Variants in SUMF1 observed in about 807,000 individuals in gnomAD.
SUMF1 encodes formylglycine-generating enzyme.
Under a neutral mutation model 47.6 loss-of-function variants are expected in SUMF1, and 48 were observed. That is an observed-to-expected ratio of 1.01 (90% confidence interval 0.80 to 1.28). SUMF1 has a LOEUF of 1.28. SUMF1 is among the 50% of genes most tolerant of loss of function. SUMF1 has a pLI of 0.00. For synonymous variants in SUMF1, 230 were observed against 192.1 expected (o/e 1.20, Z -1.63); for missense variants, 571 against 485.4 (o/e 1.18, Z -1.66).
chr3:4,138,518 G>A (rs570174334), intron 8 of SUMF1, among the ~76,000 whole-genome samples: 1 of 152,028 alleles, frequency 6.6e-6, no homozygotes, highest in Non-Finnish European at 1.5e-5. Context: ...CTAAAAATCA[G>A]CCACATGGAC....
intron 9 of SUMF1, among the ~76,000 whole-genome samples, chr3:4,051,410 C>A (rs1559428577): frequency 6.6e-6 from 1 of 152,166 alleles, no homozygotes; most frequent in Non-Finnish European, 1.5e-5. Context: ...TGATGCACAG[C>A]CTTCCTGCTC....
intron 8 of SUMF1, among the ~76,000 whole-genome samples, chr3:4,345,425 A>C (rs1699355275): frequency 1.3e-5 from 2 of 152,322 alleles, no homozygotes; most frequent in Middle Eastern, 3.4e-3. Context: ...TCTCATATCC[A>C]GCCAAACTAA....
chr3:4,387,383 C>T (rs546166185), intron 7 of SUMF1, among the ~76,000 whole-genome samples: 9 of 152,110 alleles, frequency 5.9e-5, no homozygotes, highest in African/African-American at 2.2e-4. Context: ...TATGGGTATA[C>T]AGATGTTCAC....
intron 7 of SUMF1, among the ~76,000 whole-genome samples, chr3:4,378,899 G>A (rs545896883): frequency 6.6e-6 from 1 of 152,286 alleles, no homozygotes; most frequent in African/African-American, 2.4e-5. Flanking sequence ...GAGTTGATTT[G>A]CCAATGGGAA....
intron 8 of SUMF1, among the ~76,000 whole-genome samples, chr3:4,121,167 A>G (rs1693532094): frequency 6.6e-6 from 1 of 150,854 alleles, no homozygotes; most frequent in South Asian, 2.1e-4. Context: ...ATTTGACTTG[A>G]CAATTTTTTT....
chr3:4,458,004 A>T (rs1172972605), intron 1 of SUMF1, among the ~76,000 whole-genome samples: 1 of 152,222 alleles, frequency 6.6e-6, no homozygotes, highest in Non-Finnish European at 1.5e-5. Flanking sequence ...TGGAGTTAAT[A>T]TTCAAAATAT....
intron 8 of SUMF1, among the ~76,000 whole-genome samples, chr3:4,248,772 T>C (rs758477439): frequency 2.0e-5 from 3 of 152,102 alleles, no homozygotes; most frequent in Non-Finnish European, 2.9e-5. Context: ...AAGAGAACTA[T>C]AGACAGAAGG....
intron 8 of SUMF1, among the ~76,000 whole-genome samples, chr3:4,091,624 T>A (rs1286123138): frequency 6.6e-6 from 1 of 152,146 alleles, no homozygotes; most frequent in Admixed American, 6.5e-5. Context: ...CAGCCCTTTA[T>A]GACTTTAACA....
At chr3:4,442,762 T>C (rs793394) in intron 3 of SUMF1, among the ~76,000 whole-genome samples, 35,375 of 147,956 alleles carry the variant, frequency 0.24, 5,012 homozygotes, top group Non-Finnish European at 0.32. Context: ...TAAGAGGGAG[T>C]TCAGTGAAGT....
chr3:4,367,596 C>T (rs1489781508), intron 8 of SUMF1, among the ~76,000 whole-genome samples: 3 of 151,976 alleles, frequency 2.0e-5, no homozygotes, highest in Non-Finnish European at 4.4e-5. Flanking sequence ...TACTACAAGG[C>T]TACAGTAACC....
intron 8 of SUMF1, among the ~76,000 whole-genome samples, chr3:4,212,404 G>A (rs776038709): frequency 6.6e-6 from 1 of 152,022 alleles, no homozygotes; most frequent in African/African-American, 2.4e-5. Context: ...GACCCTATCC[G>A]ACGGTCACCA....
intron 8 of SUMF1, among the ~76,000 whole-genome samples, chr3:4,102,121 T>C (rs1377725490): frequency 1.3e-5 from 2 of 152,168 alleles, no homozygotes; most frequent in African/African-American, 4.8e-5. Context: ...TATGTGGAGA[T>C]TACGGGAACT....
At chr3:4,078,315 G>C (rs1692484636) in intron 8 of SUMF1, among the ~76,000 whole-genome samples, 1 of 5,592 alleles carries the variant, frequency 1.8e-4, no homozygotes, top group African/African-American at 8.3e-4. Flanking sequence ...AGTAGGCCAA[G>C]CTTGCTAAAC....
At chr3:4,320,677 G>C (rs1205798687) in intron 8 of SUMF1, among the ~76,000 whole-genome samples, 3 of 152,182 alleles carry the variant, frequency 2.0e-5, no homozygotes, top group Non-Finnish European at 4.4e-5. Context: ...TATTGCTGCT[G>C]AAGAATAGGC....
intron 8 of SUMF1, among the ~76,000 whole-genome samples, chr3:4,140,818 G>T (rs1694053696): frequency 6.6e-6 from 1 of 151,930 alleles, no homozygotes; most frequent in Non-Finnish European, 1.5e-5. Flanking sequence ...GAAAACTCTA[G>T]CTGTAAACTT....
At chr3:4,350,381 G>A (rs7635762) in intron 8 of SUMF1, among the ~76,000 whole-genome samples, 33,481 of 110,682 alleles carry the variant, frequency 0.3, 6,919 homozygotes, top group African/African-American at 0.61. Context: ...AATTGTGTGT[G>A]TATAATTGTG....
intron 7 of SUMF1, among the ~76,000 whole-genome samples, chr3:4,382,684 T>C (rs1030221766): frequency 1.3e-5 from 2 of 152,110 alleles, no homozygotes; most frequent in African/African-American, 4.8e-5. Flanking sequence ...CGCCCACCAA[T>C]GATGGACTGG....
chr3:4,164,939 C>T (rs200348896), intron 8 of SUMF1, among the ~76,000 whole-genome samples: 24 of 152,228 alleles, frequency 1.6e-4, no homozygotes, highest in East Asian at 1.5e-3. Flanking sequence ...TAAGTTATCG[C>T]GGACATCATC....
chr3:4,435,314 T>G (rs944787440), intron 3 of SUMF1, among the ~76,000 whole-genome samples: 1 of 151,898 alleles, frequency 6.6e-6, no homozygotes, highest in African/African-American at 2.4e-5. Context: ...TCAGAGAAAA[T>G]AGGGAACCTG....
Sources: gnomAD v4.1 joint callset for allele counts (sites outside exome capture counted in the v4.1 genomes callset) on GRCh38, gnomAD v4.1.1 for gene constraint, MANE v1.5 for transcripts, NCBI Gene and HGNC (gene_info 2026-07-23, HGNC 2026-07-21) for gene names.